Variants in LIN7A observed in about 807,000 individuals in gnomAD.
LIN7A encodes the protein protein lin-7 homolog A.
Under a neutral mutation model 29.8 loss-of-function variants are expected in LIN7A, and 25 were observed. The ratio of observed to expected loss-of-function variants is 0.84; its 90% CI spans 0.61 to 1.17. LIN7A has a LOEUF of 1.17. LIN7A is among the 50% of genes most tolerant of loss of function. The probability of loss-of-function intolerance (pLI) is 0.00; values close to 1 mark genes in which losing one functional copy is unlikely to be tolerated. For missense variants in LIN7A, 239 were observed against 287.0 expected, an observed-to-expected ratio of 0.83 and a Z score of 1.21; for synonymous variants, 118 against 107.5, an observed-to-expected ratio of 1.10 and a Z score of -0.60.
At chr12:80,931,666 T>A (rs1245069554) in intron 1 of LIN7A, among the ~76,000 whole-genome samples, 1 of 150,642 alleles carries the variant, frequency 6.6e-6, no homozygotes, top group Non-Finnish European at 1.5e-5. Context: ...AATGGAAAAC[T>A]CCTGGAGTGT....
At chr12:80,909,136 A>G (rs558917077) in intron 1 of LIN7A, among the ~76,000 whole-genome samples, 1 of 152,190 alleles carries the variant, frequency 6.6e-6, no homozygotes, top group East Asian at 1.9e-4. Context: ...TTTTGAGTTA[A>G]TTTTTGATTA....
At chr12:80,799,021 C>G (rs750287739) in intron 5 of LIN7A, among the ~76,000 whole-genome samples, 1 of 152,128 alleles carries the variant, frequency 6.6e-6, no homozygotes, top group Non-Finnish European at 1.5e-5. Flanking sequence ...TGTGAGCCAC[C>G]GTGCCTGGCC....
intron 1 of LIN7A, among the ~76,000 whole-genome samples, chr12:80,904,637 A>G (rs529151776): frequency 2.3e-4 from 35 of 152,216 alleles, no homozygotes; most frequent in Non-Finnish European, 4.6e-4. Context: ...ACTGAATGAT[A>G]CATGAAAATG....
intron 1 of LIN7A, among the ~76,000 whole-genome samples, chr12:80,913,053 A>G (rs1263671592): frequency 6.6e-6 from 1 of 152,196 alleles, no homozygotes; most frequent in Non-Finnish European, 1.5e-5. Context: ...CTAATTCACA[A>G]GCTACAAAAA....
intron 2 of LIN7A, among the ~76,000 whole-genome samples, chr12:80,876,907 A>G (rs2682807): frequency 0.68 from 102,907 of 151,686 alleles, 38,935 homozygotes; most frequent in Non-Finnish European, 0.87. Context: ...GGATTACCTG[A>G]GGTCAGGAGT....
At chr12:80,798,411 G>T (rs983978472) in intron 5 of LIN7A, among the ~76,000 whole-genome samples, 1 of 151,984 alleles carries the variant, frequency 6.6e-6, no homozygotes. Context: ...TAACAAAATT[G>T]TTCTGTTTAC....
At chr12:80,832,355 A>T (rs1592872894) in intron 4 of LIN7A, among the ~76,000 whole-genome samples, 1 of 152,174 alleles carries the variant, frequency 6.6e-6, no homozygotes, top group East Asian at 1.9e-4. Flanking sequence ...AAGATTTTAA[A>T]GTGATATTCT....
At chr12:80,844,482 A>G (rs893814900) in intron 4 of LIN7A, among the ~76,000 whole-genome samples, 4 of 152,226 alleles carry the variant, frequency 2.6e-5, no homozygotes, top group African/African-American at 4.8e-5. Context: ...ATAAAATATC[A>G]TGTTCCAATT....
chr12:80,932,945 T>G (rs1450785239), intron 1 of LIN7A, among the ~76,000 whole-genome samples: 1 of 152,114 alleles, frequency 6.6e-6, no homozygotes, highest in Non-Finnish European at 1.5e-5. Context: ...TAGAGAAGAG[T>G]TGCTATGAAC....
At chr12:80,840,009 G>T (rs1168457180) in intron 4 of LIN7A, among the ~76,000 whole-genome samples, 1 of 151,986 alleles carries the variant, frequency 6.6e-6, no homozygotes, top group Admixed American at 6.6e-5. Flanking sequence ...GCAAATGAGG[G>T]CTTCTTTTCA....
intron 5 of LIN7A, among the ~76,000 whole-genome samples, chr12:80,810,092 A>G (rs955067159): frequency 2.0e-5 from 3 of 152,198 alleles, no homozygotes; most frequent in Non-Finnish European, 2.9e-5. Flanking sequence ...ACCAAGTTGT[A>G]TAATAGATCA....
Position 80,796,948 on chromosome 12 carries a change from A to G in LIN7A, c.*779T>C, listed in dbSNP as rs1870477670. On this transcript the variant is annotated 3_prime_UTR_variant, in exon 6 of 6. Transcript: ENST00000552864. The stretch of plus-strand genomic sequence containing the variant: ...GTAAGAAAAGAACCTAAGTTGTAAC[A>G]AATGCACTCTGATAATATATATTTT... 6.6e-6 allele frequency: 1 copy of G among 152,138 alleles called. No homozygotes were observed. Among genetic ancestry groups the G allele is most frequent in the Non-Finnish European group, 1.5e-5 (1 of 68,016 alleles). The allele number at this position is 152,138 out of a possible 1,614,324, so 9.4% of individuals were successfully genotyped here.
At chr12:80,865,689 C>G (rs1592907564) in intron 2 of LIN7A, among the ~76,000 whole-genome samples, 1 of 152,190 alleles carries the variant, frequency 6.6e-6, no homozygotes, top group East Asian at 1.9e-4. Flanking sequence ...AAAGGACAGG[C>G]AGCTTCCCTC....
chr12:80,873,765 A>G (rs1322099929), intron 2 of LIN7A, among the ~76,000 whole-genome samples: 2 of 152,020 alleles, frequency 1.3e-5, no homozygotes, highest in African/African-American at 4.8e-5. Context: ...GGGGGTCTCT[A>G]ATCCCTCACC....
intron 1 of LIN7A, among the ~76,000 whole-genome samples, chr12:80,920,487 G>A (rs1877246589): frequency 6.6e-6 from 1 of 152,134 alleles, no homozygotes; most frequent in South Asian, 2.1e-4. Flanking sequence ...GGAAGACTGT[G>A]TTAAATTAAG....
At chr12:80,894,105 C>T (rs1234397811) in intron 1 of LIN7A, among the ~76,000 whole-genome samples, 3 of 152,130 alleles carry the variant, frequency 2.0e-5, no homozygotes, top group Non-Finnish European at 2.9e-5. Context: ...AAGAAGGCTT[C>T]GAGTCAGCAA....
chr12:80,882,239 G>C (rs1875083052), intron 2 of LIN7A, among the ~76,000 whole-genome samples: 1 of 148,482 alleles, frequency 6.7e-6, no homozygotes, highest in South Asian at 2.1e-4. Context: ...TTACATATAC[G>C]ATCATATCAT....
At chr12:80,845,633 T>C (rs1177299795) in intron 4 of LIN7A, 97 bp downstream of exon 4, 1 of 937,502 alleles carries the variant, frequency 1.1e-6, no homozygotes, top group Middle Eastern at 3.5e-4. Context: ...AAAATGAATA[T>C]TTATTCTAGG....
intron 5 of LIN7A, among the ~76,000 whole-genome samples, chr12:80,803,219 G>A (rs1870805397): frequency 6.6e-6 from 1 of 152,116 alleles, no homozygotes; most frequent in African/African-American, 2.4e-5. Flanking sequence ...AACCAATGTT[G>A]TGGAGCGTTT....
Sources: gnomAD v4.1 joint callset for allele counts (sites outside exome capture counted in the v4.1 genomes callset) on GRCh38, gnomAD v4.1.1 for gene constraint, MANE v1.5 for transcripts, NCBI Gene and HGNC (gene_info 2026-07-23, HGNC 2026-07-21) for gene names.